SAMD8: variants seen among roughly 807,000 people sequenced by gnomAD.
The protein encoded by SAMD8 is sphingomyelin synthase-related protein 1.
SAMD8 carries 20 observed loss-of-function variants against 42.0 expected under a neutral mutation model. The observed-to-expected ratio is 0.48, with a 90% CI of 0.34 to 0.69. The LOEUF (loss-of-function observed/expected upper bound fraction) is 0.69. Among genes scored for constraint, SAMD8 ranks in the 30% least tolerant of loss-of-function variants. The probability of loss-of-function intolerance (pLI) is 0.01; values close to 1 mark genes in which losing one functional copy is unlikely to be tolerated. For missense variants in SAMD8, 328 were observed against 511.6 expected (o/e 0.64, Z 3.46); for synonymous variants, 162 against 173.0 (o/e 0.94, Z 0.50).
intron 1 of SAMD8, among the ~76,000 whole-genome samples, chr10:75,141,930 T>TCTTTTTTTTTTCCTTACAC (rs1347495428): frequency 2.0e-5 from 3 of 151,958 alleles, no homozygotes; most frequent in African/African-American, 7.3e-5. Flanking sequence ...TTGCCTTGCA[T>TCTTTTTTTTTTCCTTACAC]CTTTTTTTTT....
intron 3 of SAMD8, among the ~76,000 whole-genome samples, chr10:75,167,745 A>C (rs1249687077): frequency 6.6e-6 from 1 of 152,108 alleles, no homozygotes; most frequent in Admixed American, 6.6e-5. Context: ...GGTGTGCACC[A>C]CCACATCCAG....
In SAMD8 at chr10:75,137,426, G is replaced by C. The variant is rs369072933; in HGVS notation, c.-15-13088G>C. Among the ~76,000 whole-genome samples, 18 of 152,142 alleles carry C rather than the reference G, an allele frequency of 1.2e-4. No homozygotes were observed. The East Asian group carries it at 2.1e-3, about 18-fold the overall frequency. On this transcript the variant is annotated intron_variant, in intron 1 of 5. Coordinates refer to ENST00000542569, the MANE Select transcript of SAMD8 (RefSeq NM_001174156.2). ...GTGGTGGCAGGTGCCTGTAGTCCCA[G>C]CTACTTGGGAGGCTGAGGCAGGAGA...
At chr10:75,167,526 T>C (rs1840716452) in intron 3 of SAMD8, among the ~76,000 whole-genome samples, 1 of 152,314 alleles carries the variant, frequency 6.6e-6, no homozygotes, top group East Asian at 1.9e-4. Context: ...GCACCTAGCC[T>C]ACAGTGTTAT....
chr10:75,111,654 C>G, upstream of SAMD8: 1 of 1,241,632 alleles, frequency 8.1e-7, no homozygotes, highest in Non-Finnish European at 1.0e-6. Flanking sequence ...GGGGAGGGCC[C>G]CGGACTCCGA....
chr10:75,154,735 A>G (rs757689072), intron 2 of SAMD8, among the ~76,000 whole-genome samples: 43 of 152,144 alleles, frequency 2.8e-4, no homozygotes, highest in Non-Finnish European at 5.7e-4. Context: ...ATCTAGACAA[A>G]GATTTTAGAT....
rs538098185 is a variant in SAMD8, at chr10:75,175,343, G to A, written c.793-723G>A. 1.6e-4 allele frequency among the ~76,000 whole-genome samples: 24 copies of A among 152,220 alleles called. 1 individual carries two copies. In the South Asian group the frequency reaches 4.8e-3, roughly 30 times the overall value. On this transcript the variant is annotated intron_variant, in intron 4 of 5. Transcript: ENST00000542569. ...ACCAGTGAAGAAGGGGAGAGTGGAT[G>A]TTGAAAGGTAGACATTGATCTCCGT... is the stretch of plus-strand genomic sequence containing the variant.
intron 1 of SAMD8, chr10:75,102,092 T>TCCAGGC (rs1848199700): frequency 3.6e-6 from 2 of 550,032 alleles, no homozygotes; most frequent in African/African-American, 3.9e-5. Flanking sequence ...CACCTTTCCC[T>TCCAGGC]CCAGGCCCAG....
At chr10:75,107,902 G>A, upstream of SAMD8, 1 of 1,400,008 alleles carries the variant, frequency 7.1e-7, no homozygotes, top group East Asian at 2.5e-5. Flanking sequence ...TAAAAAGCAG[G>A]GATGGGAGGG....
chr10:75,111,239 A>G (rs993853882), upstream of SAMD8, among the ~76,000 whole-genome samples: 32 of 152,260 alleles, frequency 2.1e-4, no homozygotes, highest in Non-Finnish European at 1.9e-4. Flanking sequence ...GGCTCTCTCC[A>G]GAGGAATTCG....
intron 1 of SAMD8, among the ~76,000 whole-genome samples, chr10:75,128,369 G>A (rs1445921280): frequency 8.6e-5 from 13 of 151,914 alleles, no homozygotes; most frequent in Admixed American, 5.9e-4. Flanking sequence ...CACCGCACCC[G>A]CCCTTCTGTT....
At chr10:75,138,115 G>A (rs770357026) in intron 1 of SAMD8, among the ~76,000 whole-genome samples, 18 of 152,094 alleles carry the variant, frequency 1.2e-4, no homozygotes, top group African/African-American at 2.9e-4. Context: ...CATCTCATGA[G>A]CATCTAGTTG....
At chr10:75,122,365 A>T (rs1849024257) in intron 1 of SAMD8, among the ~76,000 whole-genome samples, 1 of 152,118 alleles carries the variant, frequency 6.6e-6, no homozygotes, top group Admixed American at 6.6e-5. Flanking sequence ...TAATCTCAGC[A>T]CTTTGGGAGG....
chr10:75,102,397 C>A (rs996435100), intron 1 of SAMD8, among the ~76,000 whole-genome samples: 1 of 151,852 alleles, frequency 6.6e-6, no homozygotes, highest in African/African-American at 2.4e-5. Context: ...GAGCCGAGAT[C>A]GCGCCACTGC....
chr10:75,111,386 C>T (rs1848763470), upstream of SAMD8: 2 of 661,954 alleles, frequency 3.0e-6, no homozygotes, highest in Non-Finnish European at 2.1e-6. Flanking sequence ...GGCAGCATCT[C>T]GGTTCTCCTC....
intron 1 of SAMD8, among the ~76,000 whole-genome samples, chr10:75,145,905 A>G (rs79299594): frequency 0.014 from 2,099 of 152,254 alleles, 48 homozygotes; most frequent in African/African-American, 0.048. Context: ...TGGAATAGGT[A>G]CTTTTCTTGG....
At chr10:75,119,548 C>G (rs1281365157) in intron 1 of SAMD8, among the ~76,000 whole-genome samples, 2 of 152,170 alleles carry the variant, frequency 1.3e-5, no homozygotes, top group Non-Finnish European at 2.9e-5. Flanking sequence ...AATACAATCA[C>G]AGAATTTAGA....
chr10:75,123,700 C>CT lies in SAMD8; in HGVS notation c.-16+11988dup, dbSNP rs377567700. Among the ~76,000 whole-genome samples the CT allele has an allele frequency of 4.9e-3, 724 of 148,256 alleles. 2 individuals are homozygous for CT. The highest frequency in any genetic ancestry group is 7.4e-3 in the Non-Finnish European group (493 of 66,660). On this transcript the variant is annotated intron_variant, in intron 1 of 5. Coordinates refer to ENST00000542569, the MANE Select transcript of SAMD8 (RefSeq NM_001174156.2). ...TGGTCCTTTGGTTTTTCTTTTCTTTCTTTTTTTTTTGAGGTGGAGTCTCAC... is the reference window on the plus strand; with the variant it reads ...TGGTCCTTTGGTTTTTCTTTTCTTTCTTTTTTTTTTTGAGGTGGAGTCTCAC...
chr10:75,133,893 C>G (rs1400078650), intron 1 of SAMD8, among the ~76,000 whole-genome samples: 1 of 152,166 alleles, frequency 6.6e-6, no homozygotes, highest in Non-Finnish European at 1.5e-5. Flanking sequence ...CTGCAAAGAA[C>G]GTGATCTCAT....
At chr10:75,139,319 C>T (rs756544696) in intron 1 of SAMD8, among the ~76,000 whole-genome samples, 1 of 152,026 alleles carries the variant, frequency 6.6e-6, no homozygotes, top group Admixed American at 6.6e-5. Context: ...AGGTGGACCA[C>T]GCTTTAATGG....
Sources: gnomAD v4.1 joint callset for allele counts (sites outside exome capture counted in the v4.1 genomes callset) on GRCh38, gnomAD v4.1.1 for gene constraint, MANE v1.5 for transcripts, NCBI Gene and HGNC (gene_info 2026-07-23, HGNC 2026-07-21) for gene names.